Variants in NRXN3 observed in about 807,000 individuals in gnomAD.
The protein encoded by NRXN3 is neurexin 3.
A neutral mutation model predicts 137.6 loss-of-function variants in NRXN3; 32 were observed. The observed-to-expected ratio is 0.23, with a 90% CI of 0.18 to 0.31. The LOEUF (loss-of-function observed/expected upper bound fraction) is 0.31. NRXN3 is among the 10% of genes least tolerant of loss of function. The pLI is 1.00. For missense variants in NRXN3, 1,574 were observed against 2,062.5 expected, an observed-to-expected ratio of 0.76 and a Z score of 4.59; for synonymous variants, 798 against 784.5, an observed-to-expected ratio of 1.02 and a Z score of -0.29.
intron 19 of NRXN3, among the ~76,000 whole-genome samples, chr14:79,764,165 T>TTG (rs1555699689): frequency 2.1e-4 from 10 of 47,932 alleles, no homozygotes; most frequent in African/African-American, 6.1e-4. Context: ...TTTTGGTGGG[T>TTG]GGGGGGGGTG....
chr14:78,813,567 G>A (rs2098921540), intron 10 of NRXN3, among the ~76,000 whole-genome samples: 1 of 152,098 alleles, frequency 6.6e-6, no homozygotes, highest in South Asian at 2.1e-4. Context: ...AATCAAGGTG[G>A]ATTATAAGTT....
chr14:78,570,683 AG>A (rs2096881122), intron 4 of NRXN3, among the ~76,000 whole-genome samples: 1 of 152,226 alleles, frequency 6.6e-6, no homozygotes, highest in Non-Finnish European at 1.5e-5. Flanking sequence ...GTTGAGTGTG[AG>A]GGAACAGAGG....
At chr14:78,643,292 C>G (rs1384686637) in intron 4 of NRXN3, among the ~76,000 whole-genome samples, 3 of 152,136 alleles carry the variant, frequency 2.0e-5, no homozygotes, top group African/African-American at 7.2e-5. Context: ...GAGTGTAGTT[C>G]CGGCAGGGAA....
intron 17 of NRXN3, among the ~76,000 whole-genome samples, chr14:79,685,486 T>TTAA (rs61420561): frequency 0.16 from 24,939 of 152,104 alleles, 2,772 homozygotes; most frequent in African/African-American, 0.32. Context: ...TTATGTTTTG[T>TTAA]TAATTTATAA....
At chr14:78,855,937 C>T (rs776843519) in intron 10 of NRXN3, among the ~76,000 whole-genome samples, 4 of 152,190 alleles carry the variant, frequency 2.6e-5, no homozygotes, top group Non-Finnish European at 4.4e-5. Context: ...TGTTTCTAGT[C>T]ATGTTTCAAT....
At chr14:79,496,181 A>G (rs987635809) in intron 16 of NRXN3, among the ~76,000 whole-genome samples, 2 of 151,928 alleles carry the variant, frequency 1.3e-5, no homozygotes, top group African/African-American at 4.8e-5. Context: ...AAATCAGATA[A>G]TAATTCCCTT....
intron 15 of NRXN3, among the ~76,000 whole-genome samples, chr14:79,354,403 A>T (rs1361164318): frequency 6.6e-6 from 1 of 152,230 alleles, no homozygotes; most frequent in African/African-American, 2.4e-5. Context: ...TCACCAAAAA[A>T]TAAACATTTT....
chr14:79,259,135 A>G (rs1367592098), intron 15 of NRXN3, among the ~76,000 whole-genome samples: 1 of 152,230 alleles, frequency 6.6e-6, no homozygotes, highest in Non-Finnish European at 1.5e-5. Context: ...CAACCTGTGT[A>G]GTCACCATGT....
chr14:79,650,473 A>G (rs1010095105), intron 16 of NRXN3, among the ~76,000 whole-genome samples: 2 of 152,154 alleles, frequency 1.3e-5, no homozygotes, highest in Non-Finnish European at 2.9e-5. Flanking sequence ...AAGCTCAGCA[A>G]TGTGACTTTG....
chr14:78,907,085 A>G (rs2099219693), intron 10 of NRXN3, among the ~76,000 whole-genome samples: 1 of 152,104 alleles, frequency 6.6e-6, no homozygotes, highest in South Asian at 2.1e-4. Flanking sequence ...GATATCTTTC[A>G]GAGTCTCAAC....
intron 15 of NRXN3, among the ~76,000 whole-genome samples, chr14:79,423,792 T>C (rs1396426493): frequency 6.6e-6 from 1 of 152,220 alleles, no homozygotes. Flanking sequence ...AGGCCAATAC[T>C]AGAGAAAGAT....
chr14:79,822,556 C>CA (rs762521087), intron 20 of NRXN3, among the ~76,000 whole-genome samples: 28 of 151,324 alleles, frequency 1.9e-4, no homozygotes, highest in East Asian at 1.9e-4. Flanking sequence ...TCCGAAAAAG[C>CA]AAAAAAACAA....
rs1385599857 is a variant in NRXN3 at position 78,714,993 on chromosome 14, C to T, written c.1898C>T (p.Ala633Val). Residue 633 changes from alanine (A) to valine (V), a missense_variant, in exon 8 of 21, where the codon GCG (alanine) becomes GTG (valine). By Grantham distance (64) the Ala-to-Val change is moderately conservative (BLOSUM62 0). Transcript: ENST00000335750. ...IRQLAEMQNA[A>V]GVKSSCSRMS... ...CAGCTGGCAGAGATGCAGAATGCTG[C>T]GGGTGTCAAGTCCTCCTGTTCACGG... 1.2e-6 allele frequency: 2 copies of T among 1,614,122 alleles called. No individual in the cohort carries two copies. Among genetic ancestry groups the T allele is most frequent in the Non-Finnish European group, 8.5e-7 (1 of 1,180,026 alleles).
At chr14:79,788,941 T>C (rs1006098759) in intron 19 of NRXN3, among the ~76,000 whole-genome samples, 1 of 152,152 alleles carries the variant, frequency 6.6e-6, no homozygotes, top group Non-Finnish European at 1.5e-5. Context: ...AGGAGCAGTA[T>C]AAGCCAAAAC....
chr14:79,356,075 T>A (rs1433926297), intron 15 of NRXN3, among the ~76,000 whole-genome samples: 1 of 152,200 alleles, frequency 6.6e-6, no homozygotes, highest in African/African-American at 2.4e-5. Flanking sequence ...ATTAGTTTTG[T>A]ATTTTTTTTC....
intron 2 of NRXN3, among the ~76,000 whole-genome samples, chr14:78,273,286 C>T (rs545217367): frequency 6.6e-6 from 1 of 152,338 alleles, no homozygotes; most frequent in African/African-American, 2.4e-5. Context: ...TTCTGTGCCT[C>T]AGTTTCCTTA....
At chr14:78,562,863 T>C (rs2096800030) in intron 4 of NRXN3, among the ~76,000 whole-genome samples, 1 of 152,266 alleles carries the variant, frequency 6.6e-6, no homozygotes, top group South Asian at 2.1e-4. Context: ...AGCCATTTTG[T>C]CTAACAAAGA....
chr14:79,009,214 C>T (rs1360213848), intron 15 of NRXN3, among the ~76,000 whole-genome samples: 1 of 152,132 alleles, frequency 6.6e-6, no homozygotes, highest in East Asian at 1.9e-4. Flanking sequence ...TCATCAATAT[C>T]TGGAACAACA....
At chr14:79,245,398 G>T (rs767458137) in intron 15 of NRXN3, among the ~76,000 whole-genome samples, 2 of 152,106 alleles carry the variant, frequency 1.3e-5, no homozygotes, top group Non-Finnish European at 2.9e-5. Context: ...GGAAGAGAAG[G>T]AGAGAGAGAA....
Sources: allele counts gnomAD v4.1 joint callset (sites outside exome capture counted in the v4.1 genomes callset), GRCh38; gene constraint gnomAD v4.1.1; transcripts MANE v1.5; gene names NCBI Gene and HGNC (gene_info 2026-07-23, HGNC 2026-07-21).